Variants in CAMK1D observed in about 807,000 individuals in gnomAD.
CAMK1D encodes calcium/calmodulin dependent protein kinase ID, also known as calcium/calmodulin-dependent protein kinase type 1D.
Under a neutral mutation model 47.7 loss-of-function variants are expected in CAMK1D, and 9 were observed. The ratio of observed to expected loss-of-function variants is 0.19; its 90% CI spans 0.11 to 0.33. The LOEUF (loss-of-function observed/expected upper bound fraction) is 0.33. Among genes scored for constraint, CAMK1D ranks in the 10% least tolerant of loss-of-function variants. The pLI is 1.00. For synonymous variants in CAMK1D, 184 were observed against 184.9 expected (o/e 0.99, Z 0.04); for missense variants, 291 against 488.7 (o/e 0.60, Z 3.81).
rs546003723 is a variant in CAMK1D, at chr10:12,707,095, A to C, written c.299+40285A>C. On this transcript the variant is annotated intron_variant, in intron 3 of 10. Coordinates refer to ENST00000619168, the MANE Select transcript of CAMK1D (RefSeq NM_153498.4). ...AGCTGGAGAGAGATAGGAGTTACGG[A>C]AGGAGAGGTGGACAGATCCCAGCCC... Among the ~76,000 whole-genome samples the C allele has an allele frequency of 3.9e-5, 6 of 152,296 alleles. No homozygotes were observed. In the South Asian group the frequency reaches 1.2e-3, roughly 32 times the overall value.
chr10:12,655,078 A>G (rs1840082111), intron 2 of CAMK1D, among the ~76,000 whole-genome samples: 1 of 152,176 alleles, frequency 6.6e-6, no homozygotes, highest in African/African-American at 2.4e-5. Context: ...CTATACAGAA[A>G]TACCTGAGCC....
rs371393807 is a variant in CAMK1D at position 12,788,948 on chromosome 10, G to A, written c.566-2210G>A. On this transcript the variant is annotated intron_variant, in intron 5 of 10. Transcript: ENST00000619168. ...AAAATCTGATAGAAAGTTTGGGGGC[G>A]TTGCAGACTAAAGCCAGTTTCGGGG... 2.1e-4 allele frequency among the ~76,000 whole-genome samples: 32 copies of A among 152,318 alleles called. No individual in the cohort carries two copies. The East Asian group carries it at 5.2e-3, about 25-fold the overall frequency.
intron 1 of CAMK1D, among the ~76,000 whole-genome samples, chr10:12,488,725 C>T (rs1222104717): frequency 6.6e-6 from 1 of 152,142 alleles, no homozygotes; most frequent in Admixed American, 6.5e-5. Flanking sequence ...GACAGATCAT[C>T]AGGCATTAGA....
At chr10:12,771,957 C>T (rs1195066102) in intron 5 of CAMK1D, among the ~76,000 whole-genome samples, 1 of 152,006 alleles carries the variant, frequency 6.6e-6, no homozygotes, top group Admixed American at 6.6e-5. Context: ...TCGCTTGAAC[C>T]TGGGGGGCGG....
At chr10:12,467,071 G>A (rs1422020893) in intron 1 of CAMK1D, among the ~76,000 whole-genome samples, 2 of 152,098 alleles carry the variant, frequency 1.3e-5, no homozygotes, top group Non-Finnish European at 2.9e-5. Context: ...TTGTCAGTAC[G>A]TGGCCCGCAG....
At chr10:12,655,252 C>T (rs999005487) in intron 2 of CAMK1D, among the ~76,000 whole-genome samples, 4 of 151,946 alleles carry the variant, frequency 2.6e-5, no homozygotes, top group East Asian at 1.9e-4. Flanking sequence ...AAAGCAGGAT[C>T]GAGAGAGAGT....
intron 2 of CAMK1D, among the ~76,000 whole-genome samples, chr10:12,592,563 T>C (rs1371940062): frequency 6.6e-6 from 1 of 152,194 alleles, no homozygotes; most frequent in African/African-American, 2.4e-5. Context: ...CCCCCCATTC[T>C]CTGATGTGTC....
intron 1 of CAMK1D, among the ~76,000 whole-genome samples, chr10:12,551,891 T>C (rs563434602): frequency 3.3e-5 from 5 of 152,344 alleles, no homozygotes; most frequent in Admixed American, 6.5e-5. Context: ...AGGTAGGGCC[T>C]GAAGACCTGG....
intron 1 of CAMK1D, among the ~76,000 whole-genome samples, chr10:12,382,782 G>A (rs1370020675): frequency 2.6e-5 from 4 of 152,086 alleles, no homozygotes; most frequent in Non-Finnish European, 4.4e-5. Context: ...CTGAGATCGC[G>A]CCACTGCACT....
intron 3 of CAMK1D, among the ~76,000 whole-genome samples, chr10:12,754,026 G>A (rs1836119690): frequency 1.3e-5 from 2 of 152,108 alleles, no homozygotes; most frequent in Non-Finnish European, 2.9e-5. Context: ...GAGTAGCTGG[G>A]ATTACAGGAG....
intron 3 of CAMK1D, among the ~76,000 whole-genome samples, chr10:12,733,420 C>T (rs1000971244): frequency 2.0e-5 from 3 of 152,308 alleles, no homozygotes; most frequent in South Asian, 2.1e-4. Context: ...TTTCTGGCTT[C>T]GTTGACCAGG....
At chr10:12,708,126 T>C (rs985384116) in intron 3 of CAMK1D, among the ~76,000 whole-genome samples, 5 of 152,326 alleles carry the variant, frequency 3.3e-5, no homozygotes, top group Middle Eastern at 3.4e-3. Flanking sequence ...TTTTATTTAG[T>C]GCTGCACACA....
At chr10:12,678,329 C>G (rs1451621048) in intron 3 of CAMK1D, among the ~76,000 whole-genome samples, 1 of 152,076 alleles carries the variant, frequency 6.6e-6, no homozygotes, top group East Asian at 1.9e-4. Flanking sequence ...TTCTAGTTTC[C>G]TTTTATTGTG....
rs375321423 is a variant in CAMK1D at position 12,666,215 on chromosome 10, GTT to G, written c.225-512_225-511del. 2.9e-4 allele frequency among the ~76,000 whole-genome samples: 43 copies of G among 149,012 alleles called. No individual in the cohort carries two copies. In the South Asian group the frequency reaches 8.8e-3, roughly 30 times the overall value. ...GAACCCCAGTGAGGGAGTCAGGTTG[GTT>G]TTTTTTTTCCTTACACTGGACCCAT... On this transcript the variant is annotated intron_variant, in intron 2 of 10. Coordinates refer to ENST00000619168, the MANE Select transcript of CAMK1D (RefSeq NM_153498.4).
intron 1 of CAMK1D, among the ~76,000 whole-genome samples, chr10:12,394,447 G>T (rs1446241711): frequency 6.6e-6 from 1 of 152,142 alleles, no homozygotes; most frequent in Admixed American, 6.6e-5. Flanking sequence ...TCACCTGGTT[G>T]GTTCCCCTGG....
intron 1 of CAMK1D, among the ~76,000 whole-genome samples, chr10:12,404,138 C>T (rs1839329120): frequency 6.6e-6 from 1 of 152,028 alleles, no homozygotes; most frequent in Admixed American, 6.6e-5. Flanking sequence ...CTCCGCCTCC[C>T]AGGTTCAAGT....
At chr10:12,506,673 C>T (rs139472777) in intron 1 of CAMK1D, among the ~76,000 whole-genome samples, 60 of 152,228 alleles carry the variant, frequency 3.9e-4, no homozygotes, top group African/African-American at 1.3e-3. Flanking sequence ...CGTCCGCCAC[C>T]ACGCCCGGCT....
intron 1 of CAMK1D, among the ~76,000 whole-genome samples, chr10:12,452,812 C>T (rs1453733077): frequency 6.6e-6 from 1 of 152,072 alleles, no homozygotes; most frequent in Non-Finnish European, 1.5e-5. Context: ...TCTTGAACTC[C>T]CGCCTTGGCC....
At position 12,638,608 on chromosome 10, in the gene CAMK1D, G is replaced by C. The variant is rs56230658; in HGVS notation, c.225-28128G>C. On this transcript the variant is annotated intron_variant, in intron 2 of 10. Coordinates refer to ENST00000619168, the MANE Select transcript of CAMK1D (RefSeq NM_153498.4). ...CCCCTTTGTGAGCTCCTGCAGCACTGCACCCTCAGTTGGATGCCGCCTCAG... is the reference window on the plus strand; with the variant it reads ...CCCCTTTGTGAGCTCCTGCAGCACTCCACCCTCAGTTGGATGCCGCCTCAG... Among the ~76,000 whole-genome samples, 1,061 of 152,248 alleles carry C rather than the reference G, an allele frequency of 7.0e-3. 4 individuals are homozygous for C. The highest frequency in any genetic ancestry group is 0.011 in the Non-Finnish European group (761 of 68,014).
Sources: allele counts gnomAD v4.1 joint callset (sites outside exome capture counted in the v4.1 genomes callset), GRCh38; gene constraint gnomAD v4.1.1; transcripts MANE v1.5; gene names NCBI Gene and HGNC (gene_info 2026-07-23, HGNC 2026-07-21).